The following CA10 variants were observed in gnomAD, a reference collection of about 807,000 sequenced individuals.
CA10 encodes carbonic anhydrase 10 (inactive).
A neutral mutation model predicts 44.2 loss-of-function variants in CA10; 14 were observed. The observed-to-expected ratio is 0.32, with a 90% CI of 0.21 to 0.50. The LOEUF is 0.50. Among genes scored for constraint, CA10 ranks in the 20% least tolerant of loss-of-function variants. The pLI is 0.99. For missense variants in CA10, 350 were observed against 409.7 expected (o/e 0.85, Z 1.26); for synonymous variants, 159 against 141.6 (o/e 1.12, Z -0.87).
intron 3 of CA10, among the ~76,000 whole-genome samples, chr17:51,908,800 C>T (rs1201184371): frequency 2.0e-5 from 3 of 152,144 alleles, no homozygotes; most frequent in Non-Finnish European, 4.4e-5. Context: ...CAGAGCGTCA[C>T]CACTTATATT....
chr17:52,130,322 G>C (rs1185027876), intron 1 of CA10, among the ~76,000 whole-genome samples: 2 of 152,132 alleles, frequency 1.3e-5, no homozygotes, highest in African/African-American at 4.8e-5. Context: ...CAGAGTATAT[G>C]GGATCAGAGG....
intron 4 of CA10, among the ~76,000 whole-genome samples, chr17:51,686,085 C>G (rs899582772): frequency 1.3e-4 from 19 of 149,112 alleles, no homozygotes; most frequent in African/African-American, 1.8e-4. Context: ...AATCATGGGT[C>G]GGGGGGGGCG....
intron 2 of CA10, among the ~76,000 whole-genome samples, chr17:52,030,441 A>C (rs1186406627): frequency 6.6e-6 from 1 of 152,160 alleles, no homozygotes; most frequent in Non-Finnish European, 1.5e-5. Context: ...AACTTGCTTT[A>C]GTCCTGTGGG....
intron 3 of CA10, among the ~76,000 whole-genome samples, chr17:51,894,149 A>T (rs978009775): frequency 2.0e-5 from 3 of 152,206 alleles, no homozygotes; most frequent in African/African-American, 7.2e-5. Context: ...TCAAAAAGCT[A>T]AACAATTCAT....
At chr17:51,694,468 C>T (rs1419220188) in intron 4 of CA10, among the ~76,000 whole-genome samples, 1 of 146,098 alleles carries the variant, frequency 6.8e-6, no homozygotes, top group African/African-American at 2.5e-5. Flanking sequence ...AGTGGCTGTT[C>T]ATGTCTTTTG....
At chr17:52,012,163 T>G (rs1054189219) in intron 2 of CA10, among the ~76,000 whole-genome samples, 3 of 152,072 alleles carry the variant, frequency 2.0e-5, no homozygotes, top group African/African-American at 7.2e-5. Flanking sequence ...GTAATGATTA[T>G]CTTGATATTA....
chr17:52,051,287 A>G lies in CA10; in HGVS notation c.136+21032T>C, dbSNP rs567701982. ...GGAAAAGCAATTGTAGCAAAAACCA[A>G]AATTGACAAATGGGATCTAATTAAA... On this transcript the variant is annotated intron_variant, in intron 2 of 8. Transcript: ENST00000451037. Among the ~76,000 whole-genome samples the G allele has an allele frequency of 1.9e-4, 29 of 152,182 alleles. No individual in the cohort carries two copies. The East Asian group carries it at 2.1e-3, about 11-fold the overall frequency.
chr17:52,117,230 T>G (rs1988916812), intron 1 of CA10, among the ~76,000 whole-genome samples: 1 of 152,220 alleles, frequency 6.6e-6, no homozygotes, highest in Admixed American at 6.5e-5. Context: ...AGATAATTTC[T>G]GATGGCCTGG....
chr17:52,002,924 C>A (rs1985475968), intron 2 of CA10, among the ~76,000 whole-genome samples: 2 of 151,964 alleles, frequency 1.3e-5, no homozygotes, highest in South Asian at 4.1e-4. Flanking sequence ...AATTTGAGCC[C>A]TATGTCTGGC....
intron 6 of CA10, among the ~76,000 whole-genome samples, chr17:51,638,141 T>C (rs1912918076): frequency 6.6e-6 from 1 of 152,240 alleles, no homozygotes; most frequent in Admixed American, 6.5e-5. Context: ...CCAAGGGAAC[T>C]TGAATTTCAG....
At chr17:52,111,671 T>A (rs1988791689) in intron 1 of CA10, among the ~76,000 whole-genome samples, 1 of 152,176 alleles carries the variant, frequency 6.6e-6, no homozygotes, top group Non-Finnish European at 1.5e-5. Context: ...GCTGGGTTGG[T>A]CATCAGTAGG....
chr17:51,957,887 T>C (rs1983726539), intron 2 of CA10, among the ~76,000 whole-genome samples: 1 of 152,108 alleles, frequency 6.6e-6, no homozygotes, highest in Non-Finnish European at 1.5e-5. Context: ...ATTGTCTTTC[T>C]AGGAAACCTT....
chr17:51,770,991 G>T (rs1042553276), intron 3 of CA10, among the ~76,000 whole-genome samples: 1 of 151,792 alleles, frequency 6.6e-6, no homozygotes, highest in Non-Finnish European at 1.5e-5. Flanking sequence ...TGGCGTGGTG[G>T]TGCATGTCTG....
At chr17:51,681,010 G>C (rs1914828648) in intron 4 of CA10, among the ~76,000 whole-genome samples, 1 of 152,114 alleles carries the variant, frequency 6.6e-6, no homozygotes, top group Admixed American at 6.5e-5. Context: ...GCCTATGAAA[G>C]ATAAGATTTG....
intron 3 of CA10, among the ~76,000 whole-genome samples, chr17:51,806,909 T>C (rs1907161285): frequency 6.6e-6 from 1 of 152,226 alleles, no homozygotes; most frequent in Non-Finnish European, 1.5e-5. Context: ...TTTAACAAGA[T>C]AGTAAGAGTT....
chr17:51,756,709 C>G (rs1456292613), intron 3 of CA10, among the ~76,000 whole-genome samples: 1 of 152,050 alleles, frequency 6.6e-6, no homozygotes, highest in African/African-American at 2.4e-5. Context: ...ATTTCCTGAC[C>G]TCATGATCCG....
At chr17:52,085,132 G>A (rs1216851676) in intron 1 of CA10, among the ~76,000 whole-genome samples, 1 of 152,142 alleles carries the variant, frequency 6.6e-6, no homozygotes, top group African/African-American at 2.4e-5. Context: ...AATCCTAGCT[G>A]ATACACACTT....
At chr17:51,806,328 T>A (rs762473626) in intron 3 of CA10, among the ~76,000 whole-genome samples, 3 of 152,224 alleles carry the variant, frequency 2.0e-5, no homozygotes, top group African/African-American at 4.8e-5. Flanking sequence ...GTGACCCATT[T>A]TGGGAGGCTT....
chr17:51,812,737 A>T (rs1374609226), intron 3 of CA10, among the ~76,000 whole-genome samples: 1 of 152,210 alleles, frequency 6.6e-6, no homozygotes, highest in Non-Finnish European at 1.5e-5. Context: ...GGGCACTGAG[A>T]TATCCTTTTG....
Sources: gnomAD v4.1 joint callset for allele counts (sites outside exome capture counted in the v4.1 genomes callset) on GRCh38, gnomAD v4.1.1 for gene constraint, MANE v1.5 for transcripts, NCBI Gene and HGNC (gene_info 2026-07-23, HGNC 2026-07-21) for gene names.